The following WASHC5 variants were observed in gnomAD, a reference collection of about 807,000 sequenced individuals.
WASHC5 encodes the protein WASH complex subunit 5.
In WASHC5, 101 loss-of-function variants were observed where a neutral mutation model predicts 150.4. The ratio of observed to expected loss-of-function variants is 0.67; its 90% CI spans 0.57 to 0.79. The LOEUF is 0.79. Ranked by LOEUF, WASHC5 falls within the 30% of genes least tolerant of loss-of-function variation. WASHC5 has a pLI of 0.00. For synonymous variants in WASHC5, 467 were observed against 491.2 expected, an observed-to-expected ratio of 0.95 and a Z score of 0.65; for missense variants, 1,195 against 1,396.3, an observed-to-expected ratio of 0.86 and a Z score of 2.30.
chr8:125,078,625 T>C (rs766318546), intron 6 of WASHC5, 113 bp downstream of exon 6: 17 of 884,964 alleles, frequency 1.9e-5, no homozygotes, highest in Non-Finnish European at 3.0e-5. Flanking sequence ...TTTTAAAAGG[T>C]TCTACCTGCT....
At chr8:125,059,849 T>C (rs141160481) in intron 12 of WASHC5, among the ~76,000 whole-genome samples, 4 of 152,348 alleles carry the variant, frequency 2.6e-5, no homozygotes, top group African/African-American at 7.2e-5. Flanking sequence ...GAAATTTTAA[T>C]GTATATAACT....
At chr8:125,070,323 T>G (rs12546767) in intron 9 of WASHC5, among the ~76,000 whole-genome samples, 5 of 152,290 alleles carry the variant, frequency 3.3e-5, no homozygotes, top group Non-Finnish European at 7.4e-5. Context: ...AGGTCAATCA[T>G]TTGTTTCTGA....
At chr8:125,031,291 T>C (rs1052793208) in intron 27 of WASHC5, among the ~76,000 whole-genome samples, 17 of 152,160 alleles carry the variant, frequency 1.1e-4, no homozygotes, top group Non-Finnish European at 2.5e-4. Context: ...TTTATTTTTT[T>C]TGAGATGGAG....
intron 10 of WASHC5, among the ~76,000 whole-genome samples, chr8:125,066,147 T>C (rs1228164477): frequency 1.3e-5 from 2 of 152,162 alleles, no homozygotes; most frequent in African/African-American, 2.4e-5. Flanking sequence ...CTATTTGCTA[T>C]TCAGAGGGAA....
intron 5 of WASHC5, among the ~76,000 whole-genome samples, chr8:125,079,509 A>C (rs74792286): frequency 0.03 from 4,634 of 152,122 alleles, 251 homozygotes; most frequent in African/African-American, 0.1. Flanking sequence ...ATATTTTTGA[A>C]AGCCTGTTTA....
chr8:125,054,745 G>C lies in WASHC5; in HGVS notation c.2097+846C>G, dbSNP rs528817386. ...GAGGCAGGAGAATGGTGTGAACCCG[G>C]GAGGTGGAGCCTGCAGGGAGCCGAG... On this transcript the variant is annotated intron_variant, in intron 17 of 28. Coordinates refer to ENST00000318410, the MANE Select transcript of WASHC5 (RefSeq NM_014846.4). 2.0e-5 allele frequency among the ~76,000 whole-genome samples: 3 copies of C among 152,056 alleles called. No homozygotes were observed. In the South Asian group the frequency reaches 6.2e-4, roughly 32 times the overall value.
At chr8:125,086,588 G>A (rs888599462) in intron 1 of WASHC5, among the ~76,000 whole-genome samples, 4 of 152,208 alleles carry the variant, frequency 2.6e-5, no homozygotes, top group Admixed American at 2.0e-4. Flanking sequence ...GAGCTACTGA[G>A]TGTTAGGAAT....
intron 10 of WASHC5, among the ~76,000 whole-genome samples, chr8:125,065,252 A>G (rs761747988): frequency 1.7e-4 from 26 of 152,348 alleles, no homozygotes; most frequent in East Asian, 3.9e-4. Flanking sequence ...GGACAGAGGA[A>G]GCACAGGTTA....
chr8:125,072,147 C>T (rs940808769), intron 9 of WASHC5, among the ~76,000 whole-genome samples: 1 of 151,884 alleles, frequency 6.6e-6, no homozygotes, highest in East Asian at 1.9e-4. Flanking sequence ...TTGAGACCAC[C>T]CTGGCCAACA....
Position 125,067,627 on chromosome 8 carries a change from A to G in WASHC5, c.1243T>C (p.Leu415=). 1 of 1,613,092 alleles carries G rather than the reference A, an allele frequency of 6.2e-7. No individual in the cohort carries two copies. The highest frequency in any genetic ancestry group is 8.5e-7 in the Non-Finnish European group (1 of 1,179,124). ...YNPRILFQLL[L]DTAQFEFILK... The stretch of plus-strand genomic sequence containing the variant: ...ATAAACTCAAATTGTGCAGTATCTA[A>G]CAGCAGCTGGAAGAGGATCCTGGGA... The change falls in exon 10 of 29, where the codon TTA becomes CTA. Residue 415 remains leucine (L), a synonymous_variant. Transcript: ENST00000318410.
intron 26 of WASHC5, among the ~76,000 whole-genome samples, chr8:125,034,238 G>C: frequency 6.6e-6 from 1 of 152,150 alleles, no homozygotes; most frequent in Admixed American, 6.5e-5. Flanking sequence ...AGTGGCTTAT[G>C]CCTGTAATCT....
chr8:125,047,887 C>T (rs1209662425), intron 19 of WASHC5, among the ~76,000 whole-genome samples: 1 of 152,024 alleles, frequency 6.6e-6, no homozygotes, highest in Non-Finnish European at 1.5e-5. Flanking sequence ...TGCTCTGTTG[C>T]CCAGGCTGGA....
At chr8:125,030,119 A>G (rs1051185671) in intron 27 of WASHC5, among the ~76,000 whole-genome samples, 3 of 152,200 alleles carry the variant, frequency 2.0e-5, no homozygotes, top group Non-Finnish European at 4.4e-5. Context: ...CTTTACTGCC[A>G]TTAGTGAAAA....
chr8:125,064,834 G>C (rs1368772339), intron 10 of WASHC5, among the ~76,000 whole-genome samples: 1 of 152,122 alleles, frequency 6.6e-6, no homozygotes, highest in Non-Finnish European at 1.5e-5. Flanking sequence ...GAGAATCAGG[G>C]CTCTGTGGAA....
intron 5 of WASHC5, among the ~76,000 whole-genome samples, chr8:125,079,316 G>C (rs570156333): frequency 6.9e-6 from 1 of 145,190 alleles, no homozygotes; most frequent in Non-Finnish European, 1.5e-5. Flanking sequence ...TCAGCCTCCT[G>C]AGTAACTGGG....
intron 14 of WASHC5, among the ~76,000 whole-genome samples, chr8:125,057,881 T>G (rs760783995): frequency 2.2e-4 from 33 of 152,090 alleles, no homozygotes; most frequent in Non-Finnish European, 8.8e-5. Flanking sequence ...CCGCATGACC[T>G]GGGAACTTAT....
chr8:125,079,110 G>GTA (rs1451588894), intron 5 of WASHC5, among the ~76,000 whole-genome samples, 180 bp from the exon 6 acceptor site: 8 of 48,758 alleles, frequency 1.6e-4, no homozygotes, highest in South Asian at 6.4e-4. Flanking sequence ...ATATGTGTGT[G>GTA]TGTGTGTATA....
At chr8:125,077,582 T>C (rs1014316263) in intron 6 of WASHC5, among the ~76,000 whole-genome samples, 8 of 152,130 alleles carry the variant, frequency 5.3e-5, no homozygotes, top group South Asian at 2.1e-4. Flanking sequence ...TGGAAGCACA[T>C]TGCCTTCAGA....
intron 26 of WASHC5, among the ~76,000 whole-genome samples, chr8:125,036,460 T>C (rs13251846): frequency 0.39 from 58,718 of 152,012 alleles, 13,438 homozygotes; most frequent in African/African-American, 0.63. Context: ...CGCTTGAGCC[T>C]AGGAGTTTGA....
Sources: allele counts gnomAD v4.1 joint callset (sites outside exome capture counted in the v4.1 genomes callset), GRCh38; gene constraint gnomAD v4.1.1; transcripts MANE v1.5; gene names NCBI Gene and HGNC (gene_info 2026-07-23, HGNC 2026-07-21).